The following EVC variants were observed in gnomAD, a reference collection of about 807,000 sequenced individuals.
The protein encoded by EVC is EvC ciliary complex subunit 1.
Under a neutral mutation model 118.9 loss-of-function variants are expected in EVC, and 116 were observed. The observed-to-expected ratio is 0.98, with a 90% confidence interval of 0.84 to 1.14. The LOEUF (loss-of-function observed/expected upper bound fraction) is 1.14, where lower values mean the gene tolerates loss of function less well. Ranked by LOEUF, EVC falls within the 50% of genes most tolerant of loss-of-function variation. EVC has a pLI of 0.00. For synonymous variants in EVC, 619 were observed against 534.7 expected (o/e 1.16, Z -2.18); for missense variants, 1,401 against 1,246.4 (o/e 1.12, Z -1.87).
At chr4:5,782,966 G>A (rs1298019147) in intron 11 of EVC, among the ~76,000 whole-genome samples, 2 of 152,122 alleles carry the variant, frequency 1.3e-5, no homozygotes, top group African/African-American at 4.8e-5. Flanking sequence ...GAGGAGAGCA[G>A]GTGTGAAGCT....
intron 1 of EVC, among the ~76,000 whole-genome samples, chr4:5,717,195 A>G (rs1483927769): frequency 6.6e-6 from 1 of 152,094 alleles, no homozygotes; most frequent in Non-Finnish European, 1.5e-5. Context: ...ATGTTTCTCA[A>G]CTTTATACTT....
In EVC at chr4:5,738,759, G is replaced by T. The variant is rs1419413832; in HGVS notation, c.703-2957G>T. Reference sequence around the variant, plus strand: ...TTTTTGCATTTTTAGTAGAGACGGGGTTTCACCATGTTGGCCAGGATGGGT... The same window carrying T: ...TTTTTGCATTTTTAGTAGAGACGGGTTTTCACCATGTTGGCCAGGATGGGT... On this transcript the variant is annotated intron_variant, in intron 5 of 20. Coordinates refer to ENST00000264956, the MANE Select transcript of EVC (RefSeq NM_153717.3). This position sits in a 1 kb window ranked among gnomAD's most constrained non-coding sequence, Gnocchi z 6.5. Among the ~76,000 whole-genome samples, 1 of 151,962 alleles carries T rather than the reference G, an allele frequency of 6.6e-6. No homozygotes were observed. The highest frequency in any genetic ancestry group is 6.6e-5 in the Admixed American group (1 of 15,248).
intron 5 of EVC, 27 bp from the exon 6 acceptor site, chr4:5,741,689 T>C (rs757348326): frequency 4.3e-6 from 6 of 1,382,600 alleles, no homozygotes; most frequent in Non-Finnish European, 6.2e-6. Flanking sequence ...AACTTTTCTT[T>C]TGTTATCTTT....
At chr4:5,726,202 G>A (rs113989016) in intron 2 of EVC, among the ~76,000 whole-genome samples, 1,606 of 152,316 alleles carry the variant, frequency 0.011, 34 homozygotes, top group African/African-American at 0.036. Flanking sequence ...TCTTCAAGAC[G>A]TGGTTGAGAA....
intron 12 of EVC, among the ~76,000 whole-genome samples, chr4:5,784,326 CAG>C (rs1308808572): frequency 6.6e-6 from 1 of 151,970 alleles, no homozygotes; most frequent in Non-Finnish European, 1.5e-5. Context: ...GGGTGGGAGT[CAG>C]AGAAGGAGGG....
At chr4:5,752,355 T>C (rs1455560204) in intron 8 of EVC, among the ~76,000 whole-genome samples, 1 of 152,180 alleles carries the variant, frequency 6.6e-6, no homozygotes, top group South Asian at 2.1e-4. Context: ...GGAGTCGTGT[T>C]GGAAGCCAAT....
At position 5,789,284 on chromosome 4, in the gene EVC, C is replaced by T. The variant is rs1359064063; in HGVS notation, c.1777-4324C>T. 6.6e-6 allele frequency among the ~76,000 whole-genome samples: 1 copy of T among 152,174 alleles called. No individual in the cohort carries two copies. The highest frequency in any genetic ancestry group is 1.5e-5 in the Non-Finnish European group (1 of 68,048). On this transcript the variant is annotated intron_variant, in intron 12 of 20. Transcript: ENST00000264956. This position sits in a 1 kb window ranked among gnomAD's most constrained non-coding sequence, Gnocchi z 4.3. ...AGCCCACCATGTCAGGCCCTGGCTG[C>T]CCTCTGACCGCAACTGCATGCTGCC...
Position 5,733,308 on chromosome 4 carries a change from C to T in EVC, c.618-43C>T, listed in dbSNP as rs372090116. The T allele has an allele frequency of 4.2e-5, 64 of 1,532,778 alleles. No homozygotes were observed. In the East Asian group the frequency reaches 6.3e-4, roughly 15 times the overall value. 94.9% of individuals were successfully genotyped at this position (1,532,778 alleles called of 1,614,324 possible). A position where few individuals can be genotyped will look rare whatever the true frequency, so the allele number is the denominator to read the frequency against. ...TGCCAATATTCTTACTCTTCATTTC[C>T]GATACCCTGAAAGTCTTTTCCGCTT... is the stretch of plus-strand genomic sequence containing the variant. On this transcript the variant is annotated intron_variant, in intron 4 of 20. Coordinates refer to ENST00000264956, the MANE Select transcript of EVC (RefSeq NM_153717.3).
Position 5,731,597 on chromosome 4 carries a change from G to A in EVC, c.557G>A (p.Arg186Lys), listed in dbSNP as rs1409247307. 6.2e-7 allele frequency: 1 copy of A among 1,614,176 alleles called. No homozygotes were observed. The highest frequency in any genetic ancestry group is 8.5e-7 in the Non-Finnish European group (1 of 1,180,034). Residue 186 changes from arginine to lysine, a missense_variant, in exon 4 of 21, where the codon AGG becomes AAG. Arg to Lys is a conservative substitution (Grantham distance 26). Transcript: ENST00000264956. The surrounding 1 kb of genome is among the most constrained non-coding windows in gnomAD (Gnocchi z 5.6). ...SSVHSATSDD[R>K]FLSRTFLRVN... ...GTCCACTCGGCCACCAGCGATGACA[G>A]GTTTCTCAGCCGCACCTTCCTCCGG... is the stretch of plus-strand genomic sequence containing the variant.
intron 13 of EVC, among the ~76,000 whole-genome samples, chr4:5,794,341 A>ATTTATATT: frequency 8.3e-6 from 1 of 120,056 alleles, no homozygotes; most frequent in Admixed American, 8.8e-5. Context: ...ATATTTATAT[A>ATTTATATT]CTTATATATA....
intron 7 of EVC, among the ~76,000 whole-genome samples, chr4:5,745,674 C>T (rs1290429520): frequency 6.6e-6 from 1 of 152,226 alleles, no homozygotes; most frequent in Non-Finnish European, 1.5e-5. Flanking sequence ...TGCTAGGCAT[C>T]ACTCGTGAAA....
In EVC at chr4:5,809,607, G is replaced by T; in HGVS notation, c.2778G>T (p.Leu926=). The T allele has an allele frequency of 8.7e-6, 14 of 1,614,038 alleles. No individual in the cohort carries two copies. Among genetic ancestry groups the T allele is most frequent in the Non-Finnish European group, 1.2e-5 (14 of 1,179,942 alleles). Residue 926 remains leucine (L), a synonymous_variant, in exon 19 of 21, where the codon CTG becomes CTT. Coordinates refer to ENST00000264956, the MANE Select transcript of EVC (RefSeq NM_153717.3). ...ESKLLPAKRG[L]LEKPLRTKRK... Reference sequence around the variant, plus strand: ...AACTGTTGCCTGCTAAGCGTGGGCTGCTAGGTGAGTCACAGATGCTTGAGT... The same window carrying T: ...AACTGTTGCCTGCTAAGCGTGGGCTTCTAGGTGAGTCACAGATGCTTGAGT...
chr4:5,770,776 C>T (rs1225552553), intron 11 of EVC, among the ~76,000 whole-genome samples: 1 of 152,016 alleles, frequency 6.6e-6, no homozygotes, highest in African/African-American at 2.4e-5. Context: ...TTTGGGAGGC[C>T]GAGGTGGGCA....
At chr4:5,799,733 C>G (rs980862162) in intron 15 of EVC, among the ~76,000 whole-genome samples, 5 of 152,200 alleles carry the variant, frequency 3.3e-5, no homozygotes, top group African/African-American at 1.2e-4. Flanking sequence ...GGGTTCCTTT[C>G]ATCTCAGTAA....
chr4:5,821,857 A>C, the EVC span: 1 of 1,563,672 alleles, frequency 6.4e-7, no homozygotes, highest in Non-Finnish European at 8.6e-7. This position sits in a 1 kb window ranked among gnomAD's most constrained non-coding sequence, Gnocchi z 4.4. Context: ...GGCACCTGAA[A>C]GAGAGCGCCA....
rs1242176063 is a variant in EVC at position 5,738,388 on chromosome 4, A to G, written c.703-3328A>G. On this transcript the variant is annotated intron_variant, in intron 5 of 20. Transcript: ENST00000264956. This position sits in a 1 kb window ranked among gnomAD's most constrained non-coding sequence, Gnocchi z 6.5. ...GCAGGGTTTGAGAGGATTGACTCCAAGTTTTAAAGTTCTACTGTGGGCAAA... is the reference window on the plus strand; with the variant it reads ...GCAGGGTTTGAGAGGATTGACTCCAGGTTTTAAAGTTCTACTGTGGGCAAA... Among the ~76,000 whole-genome samples the G allele has an allele frequency of 1.3e-5, 2 of 152,186 alleles. No individual in the cohort carries two copies. The highest frequency in any genetic ancestry group is 2.9e-5 in the Non-Finnish European group (2 of 68,036).
At position 5,719,251 on chromosome 4, in the gene EVC, G is replaced by A. The variant is rs749978268; in HGVS notation, c.178G>A (p.Asp60Asn). ...ACTCCTGACCTTCGGGTTTTAGAAAGACGACACTCAAAATCTGCTCAAGAA... is the reference window on the plus strand; with the variant it reads ...ACTCCTGACCTTCGGGTTTTAGAAAAACGACACTCAAAATCTGCTCAAGAA... ...AGRQRTRHQK[D>N]DTQNLLKNLE... Residue 60 changes from aspartate (D) to asparagine (N), a missense_variant, in exon 2 of 21, where the codon GAC becomes AAC. Coordinates refer to ENST00000264956, the MANE Select transcript of EVC (RefSeq NM_153717.3). This position sits in a 1 kb window ranked among gnomAD's most constrained non-coding sequence, Gnocchi z 4.7. 1 of 1,614,192 alleles carries A rather than the reference G, an allele frequency of 6.2e-7. No individual in the cohort carries two copies. The highest frequency in any genetic ancestry group is 1.1e-5 in the South Asian group (1 of 91,072).
chr4:5,810,541 C>G (rs1223103961), intron 20 of EVC, 91 bp downstream of exon 20: 3 of 916,146 alleles, frequency 3.3e-6, no homozygotes, highest in Admixed American at 2.0e-5. Flanking sequence ...GGAAAATCAT[C>G]AGTCCCCTCA....
At chr4:5,828,323 C>G in the EVC span, 7 of 981,974 alleles carry the variant, frequency 7.1e-6, no homozygotes, top group Non-Finnish European at 8.5e-6. Flanking sequence ...CTCCTGTCCT[C>G]AGACAGGAGC....
Sources: gnomAD v4.1 joint callset for allele counts (sites outside exome capture counted in the v4.1 genomes callset) on GRCh38, gnomAD v4.1.1 for gene constraint, Gnocchi (gnomAD v3.1) non-coding constraint, MANE v1.5 for transcripts, NCBI Gene and HGNC (gene_info 2026-07-23, HGNC 2026-07-21) for gene names.